Variants in FLRT2 observed in about 807,000 individuals in gnomAD.
FLRT2 encodes the protein leucine-rich repeat transmembrane protein FLRT2.
FLRT2 carries 15 observed loss-of-function variants against 40.0 expected under a neutral mutation model. The ratio of observed to expected loss-of-function variants is 0.38; its 90% CI spans 0.25 to 0.58. The LOEUF (loss-of-function observed/expected upper bound fraction) is 0.58, where lower values mean the gene tolerates loss of function less well. Among genes scored for constraint, FLRT2 ranks in the 20% least tolerant of loss-of-function variants. The probability of loss-of-function intolerance (pLI) is 0.71; values close to 1 mark genes in which losing one functional copy is unlikely to be tolerated. For missense variants in FLRT2, 726 were observed against 840.0 expected, an observed-to-expected ratio of 0.86 and a Z score of 1.68; for synonymous variants, 380 against 336.8, an observed-to-expected ratio of 1.13 and a Z score of -1.41.
chr14:85,598,532 T>C (rs1892237507), intron 1 of FLRT2, among the ~76,000 whole-genome samples: 1 of 152,214 alleles, frequency 6.6e-6, no homozygotes, highest in East Asian at 1.9e-4. Context: ...TTATCAGCCC[T>C]TTATGTCCAC....
At chr14:85,548,755 C>G (rs1019812979) in intron 1 of FLRT2, among the ~76,000 whole-genome samples, 3 of 152,136 alleles carry the variant, frequency 2.0e-5, no homozygotes, top group Non-Finnish European at 4.4e-5. Flanking sequence ...GAAGTGTGGT[C>G]CCTGGCGAGA....
intron 1 of FLRT2, among the ~76,000 whole-genome samples, chr14:85,604,866 G>C (rs1204774490): frequency 6.6e-6 from 1 of 152,156 alleles, no homozygotes; most frequent in Non-Finnish European, 1.5e-5. Flanking sequence ...GTGGGGGTTA[G>C]GAAGGAAAAT....
At position 85,642,624 on chromosome 14, in the gene FLRT2, C is replaced by A. The variant is rs1276458818; in HGVS notation, c.*19127C>A. 1 of 152,134 alleles carries A rather than the reference C, an allele frequency of 6.6e-6. No homozygotes were observed. Among genetic ancestry groups the A allele is most frequent in the Non-Finnish European group, 1.5e-5 (1 of 68,026 alleles). 9.4% of individuals were successfully genotyped at this position (152,134 alleles called of 1,614,324 possible). On this transcript the variant is annotated 3_prime_UTR_variant, in exon 2 of 2. Transcript: ENST00000330753. ...TCTGCGGACTATGTATGGCAACAGA[C>A]TCAAAGGGAGGTACACCAGGTAGGA...
rs772727942 is a variant in FLRT2, at chr14:85,641,159, A to C, written c.*17662A>C. ...GCCTTTTAAAAACCTAACAGCCTCC[A>C]AAGACTGAAGAAGAGAGCATGGTGT... On this transcript the variant is annotated 3_prime_UTR_variant, in exon 2 of 2. Coordinates refer to ENST00000330753, the MANE Select transcript of FLRT2 (RefSeq NM_013231.6). 11 of 152,350 alleles carry C rather than the reference A, an allele frequency of 7.2e-5. No homozygotes were observed. The highest frequency in any genetic ancestry group is 1.3e-4 in the Non-Finnish European group (9 of 68,032). 9.4% of individuals were successfully genotyped at this position (152,350 alleles called of 1,614,324 possible). A position where few individuals can be genotyped will look rare whatever the true frequency, so the allele number is the denominator to read the frequency against.
intron 1 of FLRT2, among the ~76,000 whole-genome samples, chr14:85,573,914 T>G (rs78528780): frequency 0.023 from 3,462 of 152,278 alleles, 105 homozygotes; most frequent in East Asian, 0.1. Context: ...AAATCTGGCT[T>G]GTTGTGTCTT....
chr14:85,545,891 C>A (rs1238193833), intron 1 of FLRT2, among the ~76,000 whole-genome samples: 1 of 152,116 alleles, frequency 6.6e-6, no homozygotes, highest in Non-Finnish European at 1.5e-5. Flanking sequence ...ACGGAATGAC[C>A]AGAGGGAAGA....
At chr14:85,536,265 A>C (rs961427545) in intron 1 of FLRT2, among the ~76,000 whole-genome samples, 1 of 152,130 alleles carries the variant, frequency 6.6e-6, no homozygotes, top group Non-Finnish European at 1.5e-5. Context: ...AGAAAGGCTC[A>C]AGTATGTACA....
chr14:85,574,909 T>C (rs1483743250), intron 1 of FLRT2, among the ~76,000 whole-genome samples: 1 of 152,090 alleles, frequency 6.6e-6, no homozygotes, highest in East Asian at 1.9e-4. Context: ...TTGGAAAAAA[T>C]TTACCCAGGA....
chr14:85,576,300 G>A (rs1378308423), intron 1 of FLRT2, among the ~76,000 whole-genome samples: 1 of 152,134 alleles, frequency 6.6e-6, no homozygotes, highest in East Asian at 1.9e-4. Flanking sequence ...CAAGAGCTGT[G>A]TATTTCCATT....
intron 1 of FLRT2, among the ~76,000 whole-genome samples, chr14:85,560,300 C>T (rs1222488892): frequency 2.6e-5 from 4 of 151,906 alleles, no homozygotes; most frequent in South Asian, 2.1e-4. Flanking sequence ...CATCACAGGC[C>T]GGGCGCAGTG....
At chr14:85,551,777 G>A (rs1889638302) in intron 1 of FLRT2, 1 of 152,196 alleles carries the variant, frequency 6.6e-6, no homozygotes, top group South Asian at 2.1e-4. Flanking sequence ...TGAGAAACTT[G>A]AAGGTGAGAA....
rs148893013 is a variant in FLRT2 at position 85,604,947 on chromosome 14, CAG to C, written c.-376-16187_-376-16186del. Reference sequence around the variant, plus strand: ...TTAGTGCCGACATGATTCTTTGACACAGAGAGTTCAGAATCATCACAGGTCAC... The same window carrying C: ...TTAGTGCCGACATGATTCTTTGACACAGAGTTCAGAATCATCACAGGTCAC... On this transcript the variant is annotated intron_variant, in intron 1 of 1. Transcript: ENST00000330753. Among the ~76,000 whole-genome samples, 1,021 of 152,248 alleles carry C rather than the reference CAG, an allele frequency of 6.7e-3. 15 individuals carry two copies. The highest frequency in any genetic ancestry group is 0.024 in the African/African-American group (978 of 41,534).
At chr14:85,595,944 G>A (rs1484211453) in intron 1 of FLRT2, among the ~76,000 whole-genome samples, 1 of 152,150 alleles carries the variant, frequency 6.6e-6, no homozygotes, top group Non-Finnish European at 1.5e-5. Context: ...TTTGTCTGTT[G>A]GTTGGAGTTG....
At chr14:85,567,727 G>C (rs1250534714) in intron 1 of FLRT2, among the ~76,000 whole-genome samples, 2 of 135,918 alleles carry the variant, frequency 1.5e-5, no homozygotes, top group African/African-American at 5.6e-5. Context: ...TGCAACCTCC[G>C]CCTTCTGGGT....
chr14:85,564,178 A>C (rs528216906), intron 1 of FLRT2, among the ~76,000 whole-genome samples: 11 of 152,216 alleles, frequency 7.2e-5, no homozygotes, highest in Non-Finnish European at 1.5e-4. Flanking sequence ...CTGCCTGTAC[A>C]TAGGGAATAT....
chr14:85,532,018 A>G (rs1421786237), intron 1 of FLRT2, among the ~76,000 whole-genome samples: 1 of 152,242 alleles, frequency 6.6e-6, no homozygotes, highest in Non-Finnish European at 1.5e-5. Flanking sequence ...TGAAAGCGGT[A>G]GACACAACAG....
Position 85,622,608 on chromosome 14 carries a change from C to T in FLRT2, c.1094C>T (p.Pro365Leu). 1 of 1,613,722 alleles carries T rather than the reference C, an allele frequency of 6.2e-7. No individual in the cohort carries two copies. Among genetic ancestry groups the T allele is most frequent in the South Asian group, 1.1e-5 (1 of 91,052 alleles). ...MNLLSCPTTT[P>L]GLPLFTPAPS... is the part of the protein sequence containing the mutation. ...CTTTTGTCCTGTCCCACCACGACCC[C>T]CGGCCTGCCTCTCTTCACCCCAGCC... The change falls in exon 2 of 2, where the codon CCC (proline) becomes CTC (leucine). Residue 365 changes from proline (P) to leucine (L), a missense_variant. Physicochemically the swap from Pro to Leu is moderately conservative, Grantham distance 98. This residue lies in a region of FLRT2 where 611 missense variants were observed against 690.0 expected (regional missense o/e 0.89). Coordinates refer to ENST00000330753, the MANE Select transcript of FLRT2 (RefSeq NM_013231.6).
rs919111392 is a variant in FLRT2, at chr14:85,644,059, A to T, written c.*20562A>T. The T allele has an allele frequency of 1.3e-5, 2 of 152,224 alleles. No homozygotes were observed. Among genetic ancestry groups the T allele is most frequent in the African/African-American group, 4.8e-5 (2 of 41,456 alleles). 9.4% of individuals were successfully genotyped at this position (152,224 alleles called of 1,614,324 possible). A position where few individuals can be genotyped will look rare whatever the true frequency, so the allele number is the denominator to read the frequency against. ...AATTGAAGCCAGACTAATTATCACA[A>T]TGTAGTATCATTAACACTCACACAA... On this transcript the variant is annotated 3_prime_UTR_variant, in exon 2 of 2. Transcript: ENST00000330753.
chr14:85,605,046 C>T (rs1028974830), intron 1 of FLRT2, among the ~76,000 whole-genome samples: 3 of 152,176 alleles, frequency 2.0e-5, no homozygotes, highest in African/African-American at 4.8e-5. Context: ...ATAATTCAGG[C>T]AGTCAGAAGT....
Sources: allele counts gnomAD v4.1 joint callset (sites outside exome capture counted in the v4.1 genomes callset), GRCh38; gene constraint gnomAD v4.1.1; regional missense constraint gnomAD v4.1.1; transcripts MANE v1.5; gene names NCBI Gene and HGNC (gene_info 2026-07-23, HGNC 2026-07-21).